MAPKAPK2: variants seen among roughly 807,000 people sequenced by gnomAD.
The protein encoded by MAPKAPK2 is MAPK activated protein kinase 2.
A neutral mutation model predicts 48.8 loss-of-function variants in MAPKAPK2; 9 were observed. The ratio of observed to expected loss-of-function variants is 0.18; its 90% CI spans 0.11 to 0.32. The LOEUF is 0.32. Ranked by LOEUF, MAPKAPK2 falls within the 10% of genes least tolerant of loss-of-function variation. The probability of loss-of-function intolerance (pLI) is 1.00; values close to 1 mark genes in which losing one functional copy is unlikely to be tolerated. For synonymous variants in MAPKAPK2, 202 were observed against 190.6 expected, an observed-to-expected ratio of 1.06 and a Z score of -0.49; for missense variants, 331 against 498.3, an observed-to-expected ratio of 0.66 and a Z score of 3.20.
chr1:206,728,007 G>C (rs116528668), intron 1 of MAPKAPK2, among the ~76,000 whole-genome samples: 1,345 of 119,580 alleles, frequency 0.011, 14 homozygotes, highest in African/African-American at 0.035. Context: ...GAATTAATGA[G>C]ACTGGCTTAG....
Position 206,696,342 on chromosome 1 carries a change from C to T in MAPKAPK2, c.279+10834C>T, listed in dbSNP as rs1672624485. 3 of 727,952 alleles carry T rather than the reference C, an allele frequency of 4.1e-6. No individual in the cohort carries two copies. The South Asian group carries it at 4.7e-5, about 11-fold the overall frequency. The allele number at this position is 727,952 out of a possible 1,614,324, so 45.1% of individuals were successfully genotyped here. ...TTAGATATCGGATTGGACTGTAAAT[C>T]CCCTGAAAACCTACATCTTCATTAT... On this transcript the variant is annotated intron_variant, in intron 1 of 9. Coordinates refer to ENST00000367103, the MANE Select transcript of MAPKAPK2 (RefSeq NM_032960.4).
chr1:206,723,759 CCTT>C (rs1252234812), intron 1 of MAPKAPK2, among the ~76,000 whole-genome samples: 3 of 152,220 alleles, frequency 2.0e-5, no homozygotes, highest in Non-Finnish European at 2.9e-5. Flanking sequence ...GGGGTCCTGT[CCTT>C]CTTCCCCTCA....
At chr1:206,710,457 A>G (rs1322818479) in intron 1 of MAPKAPK2, among the ~76,000 whole-genome samples, 7 of 152,210 alleles carry the variant, frequency 4.6e-5, no homozygotes, top group Admixed American at 2.6e-4. Context: ...GCCAAGAAAG[A>G]TGAAATTTCA....
intron 1 of MAPKAPK2, among the ~76,000 whole-genome samples, chr1:206,720,028 G>A (rs528780347): frequency 1.8e-4 from 27 of 152,242 alleles, no homozygotes; most frequent in Admixed American, 4.6e-4. Context: ...TAGGCACTCC[G>A]GGGTTTCACT....
chr1:206,693,713 G>A (rs376001546), intron 1 of MAPKAPK2, among the ~76,000 whole-genome samples: 70 of 152,292 alleles, frequency 4.6e-4, no homozygotes, highest in African/African-American at 1.5e-3. Context: ...CCTTCAACCC[G>A]ACTGCCCTGT....
intron 1 of MAPKAPK2, among the ~76,000 whole-genome samples, chr1:206,718,082 T>A (rs1265944768): frequency 6.6e-6 from 1 of 152,210 alleles, no homozygotes; most frequent in Non-Finnish European, 1.5e-5. Context: ...TTTTTTGTTT[T>A]TGAAAATTTA....
At chr1:206,714,939 C>T (rs782596751) in intron 1 of MAPKAPK2, among the ~76,000 whole-genome samples, 1 of 152,006 alleles carries the variant, frequency 6.6e-6, no homozygotes, top group Non-Finnish European at 1.5e-5. Context: ...TACCAGGTTT[C>T]GAGAGAATGT....
intron 1 of MAPKAPK2, among the ~76,000 whole-genome samples, chr1:206,724,492 T>A (rs4845132): frequency 2.6e-5 from 4 of 151,586 alleles, no homozygotes; most frequent in Non-Finnish European, 4.4e-5. Context: ...GTTGATTTTC[T>A]TATCCAGTCA....
chr1:206,714,704 G>A (rs1207248523), intron 1 of MAPKAPK2, among the ~76,000 whole-genome samples: 1 of 146,822 alleles, frequency 6.8e-6, no homozygotes, highest in East Asian at 2.0e-4. Context: ...GGTGGAGGTT[G>A]CAGTGAGCTG....
intron 1 of MAPKAPK2, among the ~76,000 whole-genome samples, chr1:206,710,329 C>T (rs901143045): frequency 1.3e-5 from 2 of 152,214 alleles, no homozygotes; most frequent in Non-Finnish European, 2.9e-5. Context: ...GGTGATTGGT[C>T]ACTGCCTATC....
intron 1 of MAPKAPK2, among the ~76,000 whole-genome samples, chr1:206,711,070 T>A (rs1370881645): frequency 6.6e-6 from 1 of 152,228 alleles, no homozygotes; most frequent in African/African-American, 2.4e-5. Flanking sequence ...GCATGGTCAT[T>A]TTTATGGTTC....
Position 206,732,397 on chromosome 1 carries a change from G to A in MAPKAPK2, c.1060-178G>A, listed in dbSNP as rs1426577376. ...CCAGGCTCTCTGCTGCCCAGCGCTG[G>A]GGTGAGGCTGCCGTTGTCAGCGTGG... On this transcript the variant is annotated intron_variant, in intron 9 of 9. Transcript: ENST00000367103. The surrounding 1 kb of genome is among the most constrained non-coding windows in gnomAD (Gnocchi z 4.4). 4 of 1,455,146 alleles carry A rather than the reference G, an allele frequency of 2.7e-6. No homozygotes were observed. The highest frequency in any genetic ancestry group is 3.6e-6 in the Non-Finnish European group (4 of 1,103,444). 90.1% of individuals were successfully genotyped at this position (1,455,146 alleles called of 1,614,324 possible).
chr1:206,714,084 A>T (rs1377310038), intron 1 of MAPKAPK2, among the ~76,000 whole-genome samples: 1 of 152,132 alleles, frequency 6.6e-6, no homozygotes, highest in Non-Finnish European at 1.5e-5. Flanking sequence ...CCGGGAGCAA[A>T]TTCAAAGGGG....
Position 206,731,740 on chromosome 1 carries a change from C to T in MAPKAPK2, c.978+15C>T, listed in dbSNP as rs782450012. On this transcript the variant is annotated intron_variant, in intron 8 of 9. Transcript: ENST00000367103. The surrounding 1 kb of genome is among the most constrained non-coding windows in gnomAD (Gnocchi z 5.9). ...CTTGGATCATGGTAAGCTCGGCAGG[C>T]TGGGGAGCCTTGGGTCTCACGGGAC... 5.6e-6 allele frequency: 9 copies of T among 1,613,564 alleles called. No individual in the cohort carries two copies. The highest frequency in any genetic ancestry group is 6.8e-6 in the Non-Finnish European group (8 of 1,179,518).
chr1:206,727,245 T>G (rs11119389), intron 1 of MAPKAPK2, among the ~76,000 whole-genome samples: 42,824 of 152,124 alleles, frequency 0.28, 6,552 homozygotes, highest in East Asian at 0.54. Context: ...TGTCAGATAC[T>G]CTGTGAGGTG....
intron 1 of MAPKAPK2, among the ~76,000 whole-genome samples, chr1:206,686,163 A>G (rs1262075727): frequency 2.0e-5 from 3 of 151,628 alleles, no homozygotes; most frequent in African/African-American, 7.3e-5. Context: ...GCCCCCTCCC[A>G]CGCCCGCGCG....
intron 1 of MAPKAPK2, among the ~76,000 whole-genome samples, chr1:206,718,581 A>G (rs1464029181): frequency 6.6e-6 from 1 of 151,484 alleles, no homozygotes; most frequent in Non-Finnish European, 1.5e-5. Context: ...AAGCCAAAGT[A>G]TTATATCATC....
At chr1:206,712,347 A>C (rs182062687) in intron 1 of MAPKAPK2, among the ~76,000 whole-genome samples, 12 of 152,224 alleles carry the variant, frequency 7.9e-5, no homozygotes, top group Non-Finnish European at 1.6e-4. Context: ...GAAGGTTAGG[A>C]AAGGTGCTCA....
chr1:206,731,266 A>T lies in MAPKAPK2; in HGVS notation c.892+4A>T, dbSNP rs1673899244. ...TGGTCAGAAGTATCAGAGGAAGGTA[A>T]GAACCCAGGCTTTCAGGACAAGGGG... is the stretch of plus-strand genomic sequence containing the variant. On this transcript the variant is annotated splice_donor_region_variant and intron_variant, in intron 7 of 9. Coordinates refer to ENST00000367103, the MANE Select transcript of MAPKAPK2 (RefSeq NM_032960.4). The surrounding 1 kb of genome is among the most constrained non-coding windows in gnomAD (Gnocchi z 5.9). The T allele has an allele frequency of 6.8e-6, 11 of 1,614,096 alleles. No homozygotes were observed. The South Asian group carries it at 1.2e-4, about 18-fold the overall frequency.
Sources: allele counts gnomAD v4.1 joint callset (sites outside exome capture counted in the v4.1 genomes callset), GRCh38; gene constraint gnomAD v4.1.1; non-coding constraint Gnocchi (gnomAD v3.1); transcripts MANE v1.5; gene names NCBI Gene and HGNC (gene_info 2026-07-23, HGNC 2026-07-21).